AUTS2: variants seen among roughly 807,000 people sequenced by gnomAD.
AUTS2 encodes the protein autism susceptibility gene 2 protein.
A neutral mutation model predicts 112.4 loss-of-function variants in AUTS2; 17 were observed. That is an observed-to-expected ratio of 0.15 (90% CI 0.10 to 0.23). The LOEUF is 0.23. Among genes scored for constraint, AUTS2 ranks in the 10% least tolerant of loss-of-function variants. The probability of loss-of-function intolerance (pLI) is 1.00; values close to 1 mark genes in which losing one functional copy is unlikely to be tolerated. For synonymous variants in AUTS2, 751 were observed against 702.7 expected, an observed-to-expected ratio of 1.07 and a Z score of -1.09; for missense variants, 1,510 against 1,701.6, an observed-to-expected ratio of 0.89 and a Z score of 1.98.
At position 70,662,744 on chromosome 7, in the gene AUTS2, AGCTTCTGCCTCT is replaced by A. The variant is rs1399435144; in HGVS notation, c.691-35824_691-35813del. Among the ~76,000 whole-genome samples, 9 of 152,280 alleles carry A rather than the reference AGCTTCTGCCTCT, an allele frequency of 5.9e-5. 1 individual carries two copies. Among genetic ancestry groups the A allele is most frequent in the Admixed American group, 5.9e-4 (9 of 15,286 alleles). On this transcript the variant is annotated intron_variant, in intron 5 of 18. Coordinates refer to ENST00000342771, the MANE Select transcript of AUTS2 (RefSeq NM_015570.4). ...GATTGGGATAAGTGAGCTCTTTTTCAGCTTCTGCCTCTCCTGTCCTTGCCTTGTCAGCAGCAG... is the reference window on the plus strand; with the variant it reads ...GATTGGGATAAGTGAGCTCTTTTTCACCTGTCCTTGCCTTGTCAGCAGCAG...
In AUTS2 at chr7:70,215,933, G is replaced by A. The variant is rs147974713; in HGVS notation, c.660+81362G>A. On this transcript the variant is annotated intron_variant, in intron 4 of 18. Coordinates refer to ENST00000342771, the MANE Select transcript of AUTS2 (RefSeq NM_015570.4). ...AAATCACAGACTTTCTCTAATCTTTGTTTTGATTGTCATCTGCCGAGAGCT... is the reference window on the plus strand; with the variant it reads ...AAATCACAGACTTTCTCTAATCTTTATTTTGATTGTCATCTGCCGAGAGCT... Among the ~76,000 whole-genome samples, 290 of 152,254 alleles carry A rather than the reference G, an allele frequency of 1.9e-3. 1 individual carries two copies. The highest frequency in any genetic ancestry group is 6.2e-3 in the African/African-American group (258 of 41,548).
Position 69,892,363 on chromosome 7 carries a change from C to T in AUTS2, c.310-6923C>T, listed in dbSNP as rs539348785. Reference sequence around the variant, plus strand: ...ATTTTTGTATTGACCAGGCTGGTCTCGAACTCCCGACCTCAGGCAATTTGC... The same window carrying T: ...ATTTTTGTATTGACCAGGCTGGTCTTGAACTCCCGACCTCAGGCAATTTGC... On this transcript the variant is annotated intron_variant, in intron 1 of 18. Coordinates refer to ENST00000342771, the MANE Select transcript of AUTS2 (RefSeq NM_015570.4). 4.0e-5 allele frequency among the ~76,000 whole-genome samples: 6 copies of T among 150,734 alleles called. No homozygotes were observed. In the East Asian group the frequency reaches 8.0e-4, roughly 20 times the overall value.
At chr7:70,138,663 T>C (rs532519180) in intron 4 of AUTS2, among the ~76,000 whole-genome samples, 1 of 152,316 alleles carries the variant, frequency 6.6e-6, no homozygotes, top group East Asian at 1.9e-4. Context: ...TACTTTAAAG[T>C]TATCAGGGAA....
chr7:69,604,168 C>T (rs1438182620), intron 1 of AUTS2, among the ~76,000 whole-genome samples: 2 of 152,202 alleles, frequency 1.3e-5, no homozygotes, highest in Non-Finnish European at 2.9e-5. Context: ...GCGGTCTTCA[C>T]TTCCTGGCTC....
At chr7:70,021,369 G>A (rs918483431) in intron 2 of AUTS2, among the ~76,000 whole-genome samples, 4 of 152,098 alleles carry the variant, frequency 2.6e-5, no homozygotes, top group African/African-American at 9.7e-5. Flanking sequence ...TTAGTCTGCC[G>A]GTAATCCTGT....
intron 1 of AUTS2, among the ~76,000 whole-genome samples, chr7:69,789,938 A>G (rs1044973586): frequency 6.6e-6 from 1 of 152,112 alleles, no homozygotes; most frequent in Non-Finnish European, 1.5e-5. Flanking sequence ...TTAAATAAAT[A>G]TCTTTTTTTT....
At chr7:69,775,169 C>T (rs936474272) in intron 1 of AUTS2, among the ~76,000 whole-genome samples, 7 of 151,946 alleles carry the variant, frequency 4.6e-5, no homozygotes, top group African/African-American at 1.7e-4. Context: ...TATGTTTTTG[C>T]CTCTCTCACT....
At chr7:70,313,151 G>C (rs372140574) in intron 4 of AUTS2, among the ~76,000 whole-genome samples, 1 of 152,284 alleles carries the variant, frequency 6.6e-6, no homozygotes, top group African/African-American at 2.4e-5. Context: ...ATTCTACTCA[G>C]ATCTCTTCGA....
intron 2 of AUTS2, among the ~76,000 whole-genome samples, chr7:69,995,387 T>G (rs553350907): frequency 3.3e-5 from 5 of 152,320 alleles, no homozygotes; most frequent in African/African-American, 7.2e-5. Context: ...AATGCTTTAC[T>G]ACACTCTAAT....
chr7:70,633,546 G>A (rs1805378845), intron 5 of AUTS2, among the ~76,000 whole-genome samples: 1 of 147,876 alleles, frequency 6.8e-6, no homozygotes, highest in Non-Finnish European at 1.5e-5. Context: ...TGGAGGCGGA[G>A]GTTGCAGTGA....
intron 5 of AUTS2, among the ~76,000 whole-genome samples, chr7:70,450,209 A>G (rs1221294753): frequency 6.6e-6 from 1 of 152,228 alleles, no homozygotes; most frequent in Non-Finnish European, 1.5e-5. Context: ...AGGGATGGGA[A>G]GAAGACAAAG....
chr7:70,241,385 A>C (rs1012030645), intron 4 of AUTS2, among the ~76,000 whole-genome samples: 4 of 152,226 alleles, frequency 2.6e-5, no homozygotes, highest in Admixed American at 2.6e-4. Context: ...AAGAGGAGTC[A>C]ATATAAAAGA....
chr7:70,540,898 C>T (rs918252312), intron 5 of AUTS2, among the ~76,000 whole-genome samples: 1 of 152,160 alleles, frequency 6.6e-6, no homozygotes, highest in Non-Finnish European at 1.5e-5. Context: ...TCTTCAGCAT[C>T]ACCAGGGAGG....
intron 6 of AUTS2, among the ~76,000 whole-genome samples, chr7:70,716,838 C>A (rs972658668): frequency 2.0e-5 from 3 of 151,720 alleles, no homozygotes; most frequent in African/African-American, 7.3e-5. Context: ...TCGGTTACTT[C>A]GTTTTATGGG....
At chr7:70,233,487 A>C (rs560215875) in intron 4 of AUTS2, among the ~76,000 whole-genome samples, 36 of 152,320 alleles carry the variant, frequency 2.4e-4, no homozygotes, top group Non-Finnish European at 4.4e-4. Flanking sequence ...ATGGGAGGGA[A>C]AGGAATTGCT....
intron 2 of AUTS2, among the ~76,000 whole-genome samples, chr7:69,994,864 G>A (rs1798879486): frequency 6.6e-6 from 1 of 152,018 alleles, no homozygotes; most frequent in Admixed American, 6.6e-5. Flanking sequence ...TAAACTTTGT[G>A]GAAATTTATT....
chr7:70,310,330 G>T (rs188734879), intron 4 of AUTS2, among the ~76,000 whole-genome samples: 2 of 152,194 alleles, frequency 1.3e-5, no homozygotes, highest in East Asian at 3.9e-4. Context: ...GTCAGCTGAG[G>T]CCGGACGCGG....
intron 2 of AUTS2, among the ~76,000 whole-genome samples, chr7:69,978,850 C>T (rs1302202310): frequency 7.8e-6 from 1 of 128,572 alleles, no homozygotes; most frequent in Non-Finnish European, 1.6e-5. Context: ...CTGTCTGTCT[C>T]AAAGAAACAA....
chr7:70,124,282 T>G (rs538504217), intron 3 of AUTS2, among the ~76,000 whole-genome samples: 1 of 152,234 alleles, frequency 6.6e-6, no homozygotes, highest in East Asian at 1.9e-4. Flanking sequence ...AGTTTGCAAA[T>G]ATTTTTCTCC....
Sources: gnomAD v4.1 joint callset for allele counts (sites outside exome capture counted in the v4.1 genomes callset) on GRCh38, gnomAD v4.1.1 for gene constraint, MANE v1.5 for transcripts, NCBI Gene and HGNC (gene_info 2026-07-23, HGNC 2026-07-21) for gene names.